Variants in FAM135B observed in about 807,000 individuals in gnomAD.
FAM135B encodes family with sequence similarity 135 member B.
Under a neutral mutation model 127.7 loss-of-function variants are expected in FAM135B, and 43 were observed. The observed-to-expected ratio is 0.34, with a 90% CI of 0.26 to 0.43. The LOEUF (loss-of-function observed/expected upper bound fraction) is 0.43. Among genes scored for constraint, FAM135B ranks in the 20% least tolerant of loss-of-function variants. The pLI is 1.00. For missense variants in FAM135B, 1,558 were observed against 1,725.6 expected, an observed-to-expected ratio of 0.90 and a Z score of 1.72; for synonymous variants, 670 against 665.1, an observed-to-expected ratio of 1.01 and a Z score of -0.11.
intron 7 of FAM135B, among the ~76,000 whole-genome samples, chr8:138,205,842 C>G (rs1036116277): frequency 1.3e-5 from 2 of 151,988 alleles, no homozygotes; most frequent in Non-Finnish European, 2.9e-5. Context: ...TGGGCTGGAA[C>G]TGAGGGGTGG....
intron 1 of FAM135B, among the ~76,000 whole-genome samples, chr8:138,432,767 C>T (rs757309625): frequency 6.6e-5 from 10 of 152,066 alleles, no homozygotes; most frequent in Non-Finnish European, 1.0e-4. Context: ...TGTACCATGA[C>T]ATCTAACACA....
In FAM135B at chr8:138,241,821, A is replaced by T. The variant is rs1026316380; in HGVS notation, c.669+1121T>A. ...GAACATTATTCTAGGTAAGCCTGTG[A>T]GGGTATGTCTGGATGAACTGGTCAA... On this transcript the variant is annotated intron_variant, in intron 7 of 19. Transcript: ENST00000395297. This position sits in a 1 kb window ranked among gnomAD's most constrained non-coding sequence, Gnocchi z 4.8. Among the ~76,000 whole-genome samples the T allele has an allele frequency of 1.3e-5, 2 of 152,182 alleles. No individual in the cohort carries two copies. The highest frequency in any genetic ancestry group is 2.4e-5 in the African/African-American group (1 of 41,456).
chr8:138,493,094 T>C (rs1351307306), intron 1 of FAM135B, among the ~76,000 whole-genome samples: 1 of 152,172 alleles, frequency 6.6e-6, no homozygotes, highest in African/African-American at 2.4e-5. Flanking sequence ...TCCTTTGTGA[T>C]GCTAAAATCT....
chr8:138,294,644 A>G (rs1020874752), intron 3 of FAM135B, among the ~76,000 whole-genome samples: 1 of 152,238 alleles, frequency 6.6e-6, no homozygotes, highest in African/African-American at 2.4e-5. Context: ...TTAATGAAAT[A>G]GCAACATATT....
At chr8:138,245,208 G>A (rs949348405) in intron 6 of FAM135B, among the ~76,000 whole-genome samples, 16 of 152,186 alleles carry the variant, frequency 1.1e-4, no homozygotes, top group African/African-American at 3.9e-4. Context: ...GACTCTTTCT[G>A]TCGGAAGGTT....
At chr8:138,324,914 A>G (rs1827698688) in intron 2 of FAM135B, among the ~76,000 whole-genome samples, 1 of 152,210 alleles carries the variant, frequency 6.6e-6, no homozygotes, top group Admixed American at 6.6e-5. Flanking sequence ...TAGCTAATGC[A>G]TACAAATTCT....
chr8:138,168,170 C>T, intron 11 of FAM135B, 121 bp from the exon 12 acceptor site: 2 of 1,166,122 alleles, frequency 1.7e-6, no homozygotes, highest in Non-Finnish European at 2.3e-6. Context: ...ATTGTCTGCC[C>T]ATCATCCTTT....
chr8:138,237,661 T>C (rs1329964513), intron 7 of FAM135B, among the ~76,000 whole-genome samples: 1 of 152,214 alleles, frequency 6.6e-6, no homozygotes, highest in Non-Finnish European at 1.5e-5. Context: ...CTCAGTCGTA[T>C]GGGTGGGCCC....
intron 19 of FAM135B, among the ~76,000 whole-genome samples, chr8:138,136,226 A>T (rs758252914): frequency 3.0e-4 from 46 of 152,218 alleles, no homozygotes; most frequent in Admixed American, 1.2e-3. Flanking sequence ...AGACCCAATT[A>T]TATATTAGCA....
rs1432644093 is a variant in FAM135B, at chr8:138,251,067, T to C, written c.369-53A>G. 4 of 1,600,630 alleles carry C rather than the reference T, an allele frequency of 2.5e-6. No individual in the cohort carries two copies. The East Asian group carries it at 6.7e-5, about 27-fold the overall frequency. Reference sequence around the variant, plus strand: ...GAGAAATGGTGGGTTGCCCCTGCTGTCCTCCTAGCATGTCTGTATTAAGCC... The same window carrying C: ...GAGAAATGGTGGGTTGCCCCTGCTGCCCTCCTAGCATGTCTGTATTAAGCC... On this transcript the variant is annotated intron_variant, in intron 5 of 19. Transcript: ENST00000395297.
intron 1 of FAM135B, among the ~76,000 whole-genome samples, chr8:138,474,516 G>A (rs1048850360): frequency 6.6e-6 from 1 of 152,122 alleles, no homozygotes; most frequent in Non-Finnish European, 1.5e-5. Context: ...ATGCAAGCTT[G>A]TTGGGGACAT....
chr8:138,403,342 C>G (rs1321097313), intron 1 of FAM135B, among the ~76,000 whole-genome samples: 1 of 152,024 alleles, frequency 6.6e-6, no homozygotes, highest in South Asian at 2.1e-4. Context: ...TGCAGGTAGA[C>G]AGACCCATCA....
chr8:138,187,750 C>T (rs1815714434), intron 9 of FAM135B, among the ~76,000 whole-genome samples: 1 of 152,150 alleles, frequency 6.6e-6, no homozygotes, highest in African/African-American at 2.4e-5. Flanking sequence ...GCTAATTGAG[C>T]CTGTGCCAAT....
At chr8:138,445,438 C>A (rs960204862) in intron 1 of FAM135B, among the ~76,000 whole-genome samples, 1 of 152,164 alleles carries the variant, frequency 6.6e-6, no homozygotes, top group Non-Finnish European at 1.5e-5. Flanking sequence ...AGCAGCACAT[C>A]AAAAAGCTTA....
intron 1 of FAM135B, among the ~76,000 whole-genome samples, chr8:138,434,683 G>A (rs1295256549): frequency 1.3e-5 from 2 of 152,190 alleles, no homozygotes; most frequent in Admixed American, 6.5e-5. Context: ...CTTGTCATTT[G>A]TTGTTTACTG....
chr8:138,288,493 G>A (rs982260021), intron 3 of FAM135B, among the ~76,000 whole-genome samples: 1 of 152,120 alleles, frequency 6.6e-6, no homozygotes, highest in African/African-American at 2.4e-5. Flanking sequence ...AAAGGAAGGT[G>A]GGGGAGACAG....
chr8:138,182,343 C>T (rs558950178), intron 9 of FAM135B, among the ~76,000 whole-genome samples: 14 of 152,262 alleles, frequency 9.2e-5, no homozygotes, highest in East Asian at 7.7e-4. Flanking sequence ...TTCCAGAGAC[C>T]GAGGAGGCCC....
chr8:138,334,960 C>T (rs924480398), intron 2 of FAM135B, among the ~76,000 whole-genome samples: 5 of 152,154 alleles, frequency 3.3e-5, no homozygotes, highest in African/African-American at 1.2e-4. Flanking sequence ...GTTTAAAATG[C>T]TGACATCAAT....
At chr8:138,196,613 T>C (rs1816654031) in intron 8 of FAM135B, among the ~76,000 whole-genome samples, 1 of 152,196 alleles carries the variant, frequency 6.6e-6, no homozygotes, top group African/African-American at 2.4e-5. Flanking sequence ...ACCACAGTTA[T>C]CTCAGCAGTT....
Sources: gnomAD v4.1 joint callset for allele counts (sites outside exome capture counted in the v4.1 genomes callset) on GRCh38, gnomAD v4.1.1 for gene constraint, Gnocchi (gnomAD v3.1) non-coding constraint, MANE v1.5 for transcripts, NCBI Gene and HGNC (gene_info 2026-07-23, HGNC 2026-07-21) for gene names.